Variants in SPAG11B observed in about 807,000 individuals in gnomAD.
The protein encoded by SPAG11B is sperm-associated antigen 11B.
A neutral mutation model predicts 8.9 loss-of-function variants in SPAG11B; 5 were observed. The observed-to-expected ratio is 0.56, with a 90% CI of 0.29 to 1.19. The LOEUF is 1.19. Among genes scored for constraint, SPAG11B ranks in the 50% most tolerant of loss-of-function variants. The probability of loss-of-function intolerance (pLI) is 0.08; values close to 1 mark genes in which losing one functional copy is unlikely to be tolerated. For missense variants in SPAG11B, 38 were observed against 146.4 expected (o/e 0.26, Z 3.82); for synonymous variants, 12 against 53.0 (o/e 0.23, Z 3.36).
chr8:7,451,020 C>G, intron 2 of SPAG11B, 120 bp from the exon 3 acceptor site: 1 of 1,512,168 alleles, frequency 6.6e-7, no homozygotes, highest in Non-Finnish European at 8.9e-7. Context: ...TTGGACAAGC[C>G]CCAGTTTAAC....
downstream of SPAG11B, among the ~76,000 whole-genome samples, chr8:7,449,466 G>A (rs1318278316): frequency 6.7e-6 from 1 of 148,952 alleles, no homozygotes; most frequent in Admixed American, 6.7e-5. Flanking sequence ...GCTAATAGGG[G>A]CCAATGCCCT....
chr8:7,449,882 A>C (rs1399321678), downstream of SPAG11B, among the ~76,000 whole-genome samples: 1 of 137,388 alleles, frequency 7.3e-6, no homozygotes, highest in East Asian at 2.0e-4. Flanking sequence ...TGTTTTTATT[A>C]TTTTTTAAAT....
downstream of SPAG11B, among the ~76,000 whole-genome samples, chr8:7,448,786 CCCCTT>C (rs773065371): frequency 1.9e-4 from 24 of 127,188 alleles, no homozygotes; most frequent in East Asian, 3.1e-3. Context: ...CCCCTCTCCT[CCCCTT>C]CCCTTCCCTT....
downstream of SPAG11B, chr8:7,447,850 G>C: frequency 1.8e-6 from 1 of 559,046 alleles, no homozygotes; most frequent in East Asian, 4.7e-5. Context: ...ATGGAGCACA[G>C]CCGAGAGGCA....
chr8:7,453,867 T>A (rs1237831221), intron 2 of SPAG11B, among the ~76,000 whole-genome samples: 19 of 149,428 alleles, frequency 1.3e-4, no homozygotes, highest in African/African-American at 4.8e-4. Context: ...AGTTAAGACT[T>A]TAGGGAAAAT....
chr8:7,448,974 C>T (rs1421251309), downstream of SPAG11B, among the ~76,000 whole-genome samples: 2 of 139,866 alleles, frequency 1.4e-5, no homozygotes, highest in Non-Finnish European at 3.1e-5. Context: ...TTAGATCAGC[C>T]CAGGCCCAGG....
chr8:7,450,975 C>G (rs1180799937), intron 2 of SPAG11B, 75 bp from the exon 3 acceptor site: 1 of 1,530,020 alleles, frequency 6.5e-7, no homozygotes, highest in Admixed American at 2.0e-5. Context: ...CAGCCCGCTG[C>G]CAAGGGTTAT....
chr8:7,457,940 C>A (rs151129775), intron 2 of SPAG11B, among the ~76,000 whole-genome samples: 20,265 of 133,590 alleles, frequency 0.15, no homozygotes, highest in East Asian at 0.26. Flanking sequence ...GCCCCAGGAT[C>A]CTGATTCTTA....
At chr8:7,451,250 A>G (rs371704032) in intron 2 of SPAG11B, 669 of 1,342,676 alleles carry the variant, frequency 5.0e-4, no homozygotes, top group Non-Finnish European at 6.2e-4. Context: ...CCAGAATAGG[A>G]CAGGTCTTGG....
downstream of SPAG11B, among the ~76,000 whole-genome samples, chr8:7,448,358 A>G (rs1809931372): frequency 6.7e-6 from 1 of 149,550 alleles, no homozygotes; most frequent in African/African-American, 2.5e-5. Context: ...CCGGAAGGGC[A>G]GCGCGCCCTC....
chr8:7,459,457 A>G (rs1810644511), intron 2 of SPAG11B, among the ~76,000 whole-genome samples: 1 of 147,094 alleles, frequency 6.8e-6, no homozygotes, highest in Non-Finnish European at 1.5e-5. Context: ...AAAACCATGG[A>G]CTAATTGAAA....
At chr8:7,449,501 T>A (rs1271527369), downstream of SPAG11B, among the ~76,000 whole-genome samples, 3 of 150,268 alleles carry the variant, frequency 2.0e-5, no homozygotes, top group Non-Finnish European at 4.4e-5. Context: ...CCTTCAGGGA[T>A]GGAACAATGG....
intron 2 of SPAG11B, among the ~76,000 whole-genome samples, chr8:7,458,371 G>T (rs1183587839): frequency 1.9e-5 from 1 of 53,446 alleles, no homozygotes; most frequent in Non-Finnish European, 3.4e-5. Flanking sequence ...TGCACAGCTG[G>T]TCTGCATGAG....
intron 2 of SPAG11B, among the ~76,000 whole-genome samples, chr8:7,457,991 GTTTTGACCGTTATT>G (rs1255198212): frequency 6.6e-6 from 1 of 152,162 alleles, no homozygotes; most frequent in Non-Finnish European, 1.5e-5. Context: ...AGTAATTGCG[GTTTTGACCGTTATT>G]TTCAATGGCA....
At chr8:7,450,923 T>A in intron 2 of SPAG11B, 23 bp from the exon 3 acceptor site, 1 of 1,550,314 alleles carries the variant, frequency 6.5e-7, no homozygotes, top group East Asian at 2.2e-5. Context: ...CAGAAGAGAG[T>A]TGACATTTAA....
rs56957269 is a variant in SPAG11B at position 7,457,001 on chromosome 8, GA to G, written c.214+5705del. On this transcript the variant is annotated intron_variant, in intron 2 of 2. Coordinates refer to ENST00000398462, the MANE Select transcript of SPAG11B (RefSeq NM_058201.4). ...ATATTATAATATCAAAGAATGAGAG[GA>G]AAAAAAAATCAGTTTCTACCTGTTT... Among the ~76,000 whole-genome samples the G allele has an allele frequency of 1.6e-4, 14 of 88,354 alleles. 1 individual carries two copies. The highest frequency in any genetic ancestry group is 7.3e-4 in the Admixed American group (6 of 8,194). 58.0% of individuals were successfully genotyped at this position (88,354 alleles called of 152,430 possible).
At chr8:7,448,664 AG>A (rs1367422617), downstream of SPAG11B, among the ~76,000 whole-genome samples, 1 of 149,614 alleles carries the variant, frequency 6.7e-6, no homozygotes, top group African/African-American at 2.5e-5. Flanking sequence ...AAAAAGAAAA[AG>A]AAAAAACAGC....
intron 2 of SPAG11B, among the ~76,000 whole-genome samples, chr8:7,453,901 C>T (rs1456043671): frequency 6.7e-6 from 1 of 149,226 alleles, no homozygotes; most frequent in Non-Finnish European, 1.5e-5. Context: ...CTGCTTTTGA[C>T]CCTCCACCAA....
Position 7,450,914 on chromosome 8 carries a change from A to G in SPAG11B, c.215-14T>C. The G allele has an allele frequency of 6.4e-7, 1 of 1,551,998 alleles. No homozygotes were observed. Among genetic ancestry groups the G allele is most frequent in the South Asian group, 1.1e-5 (1 of 87,800 alleles). The stretch of plus-strand genomic sequence containing the variant: ...GTGGAACATCCCCTATGGATACAAC[A>G]GAAGAGAGTTGACATTTAACTCATA... On this transcript the variant is annotated splice_polypyrimidine_tract_variant and intron_variant, in intron 2 of 2. Transcript: ENST00000398462.
Sources: allele counts gnomAD v4.1 joint callset (sites outside exome capture counted in the v4.1 genomes callset), GRCh38; gene constraint gnomAD v4.1.1; transcripts MANE v1.5; gene names NCBI Gene and HGNC (gene_info 2026-07-23, HGNC 2026-07-21).